The following NEK10 variants were observed in gnomAD, a reference collection of about 807,000 sequenced individuals.
NEK10 encodes the protein serine/threonine-protein kinase Nek10.
A neutral mutation model predicts 159.8 loss-of-function variants in NEK10; 122 were observed. The observed-to-expected ratio is 0.76, with a 90% CI of 0.66 to 0.89. The LOEUF is 0.89. Among genes scored for constraint, NEK10 ranks in the 40% least tolerant of loss-of-function variants. The probability of loss-of-function intolerance (pLI) is 0.00; values close to 1 mark genes in which losing one functional copy is unlikely to be tolerated. For missense variants in NEK10, 1,342 were observed against 1,323.1 expected (o/e 1.01, Z -0.22); for synonymous variants, 466 against 457.1 (o/e 1.02, Z -0.25).
chr3:27,254,026 C>T (rs962089832), intron 23 of NEK10, among the ~76,000 whole-genome samples: 1 of 152,012 alleles, frequency 6.6e-6, no homozygotes, highest in Non-Finnish European at 1.5e-5. Flanking sequence ...CTGAGGGCTC[C>T]CCCTTGTGAT....
At chr3:27,216,231 T>C (rs1951514700) in intron 23 of NEK10, 1 of 234,480 alleles carries the variant, frequency 4.3e-6, no homozygotes, top group Middle Eastern at 1.3e-3. Context: ...GAAGGGTCCT[T>C]AATAGTCAAA....
intron 29 of NEK10, among the ~76,000 whole-genome samples, chr3:27,165,148 G>A (rs1946366005): frequency 6.6e-6 from 1 of 152,136 alleles, no homozygotes; most frequent in Non-Finnish European, 1.5e-5. Context: ...GAGATGGGAT[G>A]GTGAAAATAA....
At chr3:27,269,824 G>T (rs913450651) in intron 22 of NEK10, among the ~76,000 whole-genome samples, 6 of 152,160 alleles carry the variant, frequency 3.9e-5, no homozygotes, top group African/African-American at 1.4e-4. Flanking sequence ...TTTAATACAT[G>T]AAACTTGTCC....
chr3:27,186,108 A>T (rs1948595463), intron 26 of NEK10, among the ~76,000 whole-genome samples: 1 of 152,236 alleles, frequency 6.6e-6, no homozygotes, highest in Non-Finnish European at 1.5e-5. Flanking sequence ...TACCTGTTAG[A>T]CATGCAGGTG....
chr3:27,122,180 T>A (rs2125456222), intron 32 of NEK10, among the ~76,000 whole-genome samples: 1 of 152,086 alleles, frequency 6.6e-6, no homozygotes, highest in Non-Finnish European at 1.5e-5. Context: ...GTGTGTGAGA[T>A]CTCACGAGAT....
chr3:27,258,932 C>G (rs2040142474), intron 22 of NEK10, among the ~76,000 whole-genome samples: 1 of 152,178 alleles, frequency 6.6e-6, no homozygotes, highest in African/African-American at 2.4e-5. Context: ...GAGATGGTAT[C>G]TCATTGTGGT....
At chr3:27,273,014 T>C (rs924159598) in intron 22 of NEK10, among the ~76,000 whole-genome samples, 3 of 152,112 alleles carry the variant, frequency 2.0e-5, no homozygotes, top group Admixed American at 6.6e-5. Flanking sequence ...AAAGCCTCTG[T>C]GACAAATGGT....
chr3:27,350,014 A>T (rs2047853404), intron 3 of NEK10, among the ~76,000 whole-genome samples: 1 of 152,196 alleles, frequency 6.6e-6, no homozygotes, highest in Non-Finnish European at 1.5e-5. Context: ...CGCTCCTTAG[A>T]GATCCAGAGG....
At chr3:27,119,929 C>T in intron 32 of NEK10, 61 bp from the exon 33 acceptor site, 1 of 1,259,222 alleles carries the variant, frequency 7.9e-7, no homozygotes, top group Non-Finnish European at 1.2e-6. Flanking sequence ...GGCAGGAGAC[C>T]TCTGTGTGGG....
intron 23 of NEK10, among the ~76,000 whole-genome samples, chr3:27,236,510 C>A (rs1331897087): frequency 6.6e-6 from 1 of 152,054 alleles, no homozygotes; most frequent in Admixed American, 6.6e-5. Context: ...AATGTAGGTT[C>A]TATTTTCCCT....
At chr3:27,322,389 T>A (rs1474074958) in intron 5 of NEK10, 128 bp from the exon 6 acceptor site, 1 of 636,270 alleles carries the variant, frequency 1.6e-6, no homozygotes, top group Non-Finnish European at 2.9e-6. Flanking sequence ...TGGGGACTGT[T>A]ATTTGGTACT....
chr3:27,257,523 A>C (rs1956329054), intron 22 of NEK10, among the ~76,000 whole-genome samples: 1 of 152,222 alleles, frequency 6.6e-6, no homozygotes, highest in African/African-American at 2.4e-5. Flanking sequence ...TCATTTCAAA[A>C]TAATAAAAAT....
intron 20 of NEK10, among the ~76,000 whole-genome samples, chr3:27,286,475 G>A (rs1274431893): frequency 6.7e-6 from 1 of 149,872 alleles, no homozygotes; most frequent in African/African-American, 2.5e-5. Flanking sequence ...TCTGCCTCCA[G>A]GGTTCAAGCA....
chr3:27,309,015 G>A lies in NEK10; in HGVS notation c.637-10C>T, dbSNP rs556174577. On this transcript the variant is annotated splice_polypyrimidine_tract_variant and intron_variant, in intron 9 of 35. Coordinates refer to ENST00000691995, the MANE Select transcript of NEK10 (RefSeq NM_001394966.1). The stretch of plus-strand genomic sequence containing the variant: ...GTAAATTTACTAATGTCTGAAAAAT[G>A]AAGTAAAATAAAGTTTAATTATATA... The A allele has an allele frequency of 1.4e-5, 20 of 1,466,950 alleles. No individual in the cohort carries two copies. The East Asian group carries it at 1.8e-4, about 14-fold the overall frequency. 90.9% of individuals were successfully genotyped at this position (1,466,950 alleles called of 1,614,324 possible).
chr3:27,202,586 G>T (rs773955331), intron 23 of NEK10, 29 bp from the exon 24 acceptor site: 1 of 1,544,370 alleles, frequency 6.5e-7, no homozygotes, highest in Non-Finnish European at 8.8e-7. Flanking sequence ...ATTAATACAT[G>T]CTAAGGAAGG....
At chr3:27,352,380 T>C in intron 3 of NEK10, 85 bp downstream of exon 3, 1 of 851,636 alleles carries the variant, frequency 1.2e-6, no homozygotes. Flanking sequence ...AGCAGACATA[T>C]CATTCATAGA....
chr3:27,292,388 A>G (rs1163086246), intron 16 of NEK10, among the ~76,000 whole-genome samples: 3 of 152,192 alleles, frequency 2.0e-5, no homozygotes, highest in Admixed American at 6.5e-5. Flanking sequence ...CAACTTTTAA[A>G]TAAAAGTTTC....
intron 33 of NEK10, 121 bp from the exon 34 acceptor site, chr3:27,116,248 G>T: frequency 1.2e-6 from 1 of 847,312 alleles, no homozygotes; most frequent in Non-Finnish European, 1.9e-6. Context: ...GATAAAGATG[G>T]AACAAGCAAA....
intron 23 of NEK10, chr3:27,255,259 T>A: frequency 2.3e-6 from 1 of 433,280 alleles, no homozygotes; most frequent in Non-Finnish European, 4.6e-6. Context: ...GCTTACAAGG[T>A]ACATGTTAGC....
Sources: allele counts gnomAD v4.1 joint callset (sites outside exome capture counted in the v4.1 genomes callset), GRCh38; gene constraint gnomAD v4.1.1; transcripts MANE v1.5; gene names NCBI Gene and HGNC (gene_info 2026-07-23, HGNC 2026-07-21).